SLC1A1: variants seen among roughly 807,000 people sequenced by gnomAD.
SLC1A1 encodes the protein excitatory amino acid transporter 3.
In SLC1A1, 43 loss-of-function variants were observed where a neutral mutation model predicts 53.3. The observed-to-expected ratio is 0.81, with a 90% CI of 0.63 to 1.04. SLC1A1 has a LOEUF of 1.04. Among genes scored for constraint, SLC1A1 ranks in the 50% least tolerant of loss-of-function variants. The pLI is 0.00. For synonymous variants in SLC1A1, 307 were observed against 243.2 expected, an observed-to-expected ratio of 1.26 and a Z score of -2.44; for missense variants, 748 against 664.9, an observed-to-expected ratio of 1.12 and a Z score of -1.37.
At chr9:4,563,438 CCCTG>C (rs1270939671) in intron 3 of SLC1A1, among the ~76,000 whole-genome samples, 3 of 152,198 alleles carry the variant, frequency 2.0e-5, no homozygotes, top group Admixed American at 2.0e-4. Context: ...CCTTCTACAA[CCCTG>C]AGAGAGGAAA....
chr9:4,520,420 T>A (rs1359553594), intron 1 of SLC1A1, among the ~76,000 whole-genome samples: 2 of 152,228 alleles, frequency 1.3e-5, no homozygotes, highest in Non-Finnish European at 2.9e-5. Context: ...TTTTTCTTTT[T>A]TCCCCGTTTT....
intron 5 of SLC1A1, 112 bp downstream of exon 5, chr9:4,566,201 C>A: frequency 1.0e-6 from 1 of 965,100 alleles, no homozygotes; most frequent in Non-Finnish European, 1.7e-6. Context: ...AAAATGGCAG[C>A]AGGAAGTAAA....
At chr9:4,523,418 T>C (rs1220389570) in intron 1 of SLC1A1, among the ~76,000 whole-genome samples, 1 of 152,196 alleles carries the variant, frequency 6.6e-6, no homozygotes, top group Non-Finnish European at 1.5e-5. Context: ...ATTTTGTTGA[T>C]ATCAAGTGGT....
chr9:4,506,129 G>A (rs900783346), intron 1 of SLC1A1, among the ~76,000 whole-genome samples: 2 of 151,682 alleles, frequency 1.3e-5, no homozygotes, highest in African/African-American at 4.8e-5. Context: ...CTTAATTTTT[G>A]TACTTTTAGT....
intron 6 of SLC1A1, among the ~76,000 whole-genome samples, chr9:4,571,815 C>A (rs548266970): frequency 6.6e-6 from 1 of 152,180 alleles, no homozygotes; most frequent in East Asian, 1.9e-4. Flanking sequence ...GGTAAGTATT[C>A]TGTACTTCCT....
intron 1 of SLC1A1, among the ~76,000 whole-genome samples, chr9:4,531,201 AAGTGGGTGCAGGAC>A (rs1816454780): frequency 6.6e-6 from 1 of 152,176 alleles, no homozygotes; most frequent in South Asian, 2.1e-4. Context: ...GAGTGTCGGA[AAGTGGGTGCAGGAC>A]AGTGGGTGCA....
At chr9:4,543,804 A>C (rs1365599015) in intron 1 of SLC1A1, among the ~76,000 whole-genome samples, 2 of 152,226 alleles carry the variant, frequency 1.3e-5, no homozygotes, top group African/African-American at 2.4e-5. Context: ...TTGCATAAAC[A>C]GGAAAGATTA....
At chr9:4,513,421 G>A (rs935422287) in intron 1 of SLC1A1, among the ~76,000 whole-genome samples, 1 of 152,130 alleles carries the variant, frequency 6.6e-6, no homozygotes, top group South Asian at 2.1e-4. Flanking sequence ...CACCGAAGAG[G>A]GTATACTGAT....
chr9:4,492,387 CAGG>C (rs1345579060), intron 1 of SLC1A1, among the ~76,000 whole-genome samples: 4 of 147,914 alleles, frequency 2.7e-5, no homozygotes, highest in East Asian at 4.0e-4. Flanking sequence ...GAGGCTGAGG[CAGG>C]AGAATTGCTT....
chr9:4,565,898 C>G, intron 4 of SLC1A1, 149 bp from the exon 5 acceptor site: 1 of 704,440 alleles, frequency 1.4e-6, no homozygotes, highest in Non-Finnish European at 2.5e-6. Flanking sequence ...AAAAAGAAAT[C>G]TCAATACAAG....
At chr9:4,491,932 G>C (rs143154184) in intron 1 of SLC1A1, among the ~76,000 whole-genome samples, 144 of 152,320 alleles carry the variant, frequency 9.5e-4, no homozygotes, top group African/African-American at 3.5e-3. Context: ...CCTCCCCTCA[G>C]GGTGGGGATA....
At position 4,583,460 on chromosome 9, in the gene SLC1A1, G is replaced by A. The variant is rs1277220648; in HGVS notation, c.1328+288G>A. 6.6e-6 allele frequency among the ~76,000 whole-genome samples: 1 copy of A among 152,182 alleles called. No individual in the cohort carries two copies. Among genetic ancestry groups the A allele is most frequent in the Non-Finnish European group, 1.5e-5 (1 of 68,026 alleles). ...CAGAGATAAACACAGAACAAGGTGA[G>A]AAGCCAGGCAGGGCCCCAGAGCCAT... On this transcript the variant is annotated intron_variant, in intron 11 of 11. Transcript: ENST00000262352. This position sits in a 1 kb window ranked among gnomAD's most constrained non-coding sequence, Gnocchi z 4.6.
chr9:4,502,114 C>CAGTG (rs1820650909), intron 1 of SLC1A1, among the ~76,000 whole-genome samples: 1 of 151,548 alleles, frequency 6.6e-6, no homozygotes, highest in Non-Finnish European at 1.5e-5. Context: ...GGGCCAGGCA[C>CAGTG]AGTGGCTCAC....
At chr9:4,530,284 T>C (rs1449841719) in intron 1 of SLC1A1, among the ~76,000 whole-genome samples, 1 of 152,160 alleles carries the variant, frequency 6.6e-6, no homozygotes, top group African/African-American at 2.4e-5. Context: ...TCTGGATAAC[T>C]GAATTGTCAA....
intron 1 of SLC1A1, among the ~76,000 whole-genome samples, chr9:4,515,209 C>T (rs753943585): frequency 1.2e-4 from 18 of 152,136 alleles, no homozygotes; most frequent in Non-Finnish European, 2.1e-4. Flanking sequence ...CTCTTCTAAC[C>T]TATCTCAGAT....
chr9:4,540,928 T>C (rs2130871866), intron 1 of SLC1A1, among the ~76,000 whole-genome samples: 1 of 152,324 alleles, frequency 6.6e-6, no homozygotes, highest in South Asian at 2.1e-4. Flanking sequence ...GAAGTTAAAG[T>C]TATGGCCCAG....
chr9:4,572,168 C>T (rs1284688409), intron 6 of SLC1A1, 36 bp from the exon 7 acceptor site: 4 of 1,552,308 alleles, frequency 2.6e-6, no homozygotes, highest in African/African-American at 2.7e-5. Context: ...AGATTATAAT[C>T]GTGCATCAAT....
rs373990239 is a variant in SLC1A1 at position 4,539,278 on chromosome 9, A to G, written c.92-5289A>G. Among the ~76,000 whole-genome samples the G allele has an allele frequency of 5.5e-4, 84 of 152,322 alleles. 1 individual carries two copies. Among genetic ancestry groups the G allele is most frequent in the African/African-American group, 2.0e-3 (82 of 41,574 alleles). On this transcript the variant is annotated intron_variant, in intron 1 of 11. Coordinates refer to ENST00000262352, the MANE Select transcript of SLC1A1 (RefSeq NM_004170.6). ...GGCTGGTTAGGACCTGGAAAAAACG[A>G]GAGAGGGAGAGATAGACTGATGTAA... is the stretch of plus-strand genomic sequence containing the variant.
intron 1 of SLC1A1, among the ~76,000 whole-genome samples, chr9:4,522,055 T>A (rs935048572): frequency 9.6e-5 from 2 of 20,852 alleles, no homozygotes; most frequent in African/African-American, 3.3e-4. Flanking sequence ...TTTTTTTTTC[T>A]TTTTTTTTTT....
Sources: allele counts gnomAD v4.1 joint callset (sites outside exome capture counted in the v4.1 genomes callset), GRCh38; gene constraint gnomAD v4.1.1; non-coding constraint Gnocchi (gnomAD v3.1); transcripts MANE v1.5; gene names NCBI Gene and HGNC (gene_info 2026-07-23, HGNC 2026-07-21).